CPNE4: variants seen among roughly 807,000 people sequenced by gnomAD.
CPNE4 encodes the protein copine-4.
CPNE4 carries 25 observed loss-of-function variants against 67.9 expected under a neutral mutation model. That is an observed-to-expected ratio of 0.37 (90% confidence interval 0.27 to 0.51). The LOEUF (loss-of-function observed/expected upper bound fraction) is 0.51, where lower values mean the gene tolerates loss of function less well. Ranked by LOEUF, CPNE4 falls within the 20% of genes least tolerant of loss-of-function variation. CPNE4 has a pLI of 0.93. For missense variants in CPNE4, 464 were observed against 690.8 expected (o/e 0.67, Z 3.68); for synonymous variants, 242 against 244.9 (o/e 0.99, Z 0.11).
At chr3:131,871,905 ACCAGC>A (rs2087226030) in intron 2 of CPNE4, among the ~76,000 whole-genome samples, 2 of 152,166 alleles carry the variant, frequency 1.3e-5, no homozygotes, top group African/African-American at 4.8e-5. Context: ...TGAACCCCAT[ACCAGC>A]CCAGGCTAAG....
chr3:132,025,827 T>C (rs1442976017), intron 1 of CPNE4, among the ~76,000 whole-genome samples: 1 of 152,202 alleles, frequency 6.6e-6, no homozygotes, highest in Non-Finnish European at 1.5e-5. Flanking sequence ...TTAAAATTTA[T>C]GCCATTCACC....
chr3:131,841,299 G>C (rs2085772651), intron 2 of CPNE4, among the ~76,000 whole-genome samples: 1 of 152,192 alleles, frequency 6.6e-6, no homozygotes, highest in Non-Finnish European at 1.5e-5. Context: ...AGAGAATTTA[G>C]ATGTGAACAC....
At chr3:131,720,392 CT>C (rs1393990173) in intron 3 of CPNE4, among the ~76,000 whole-genome samples, 2 of 146,760 alleles carry the variant, frequency 1.4e-5, no homozygotes, top group East Asian at 4.1e-4. Context: ...TCAAGTGATT[CT>C]CCTGCCTCAG....
At chr3:131,972,065 C>G (rs989697104) in intron 1 of CPNE4, among the ~76,000 whole-genome samples, 7 of 151,912 alleles carry the variant, frequency 4.6e-5, no homozygotes, top group Non-Finnish European at 8.8e-5. Flanking sequence ...TTCATGGCAA[C>G]TGAGTGTCAG....
intron 10 of CPNE4, among the ~76,000 whole-genome samples, chr3:131,568,186 T>G (rs1466451826): frequency 6.6e-6 from 1 of 152,056 alleles, no homozygotes; most frequent in Non-Finnish European, 1.5e-5. Context: ...AAGAGTCAGC[T>G]AAAATATTTT....
At chr3:131,833,554 G>T (rs913767028) in intron 2 of CPNE4, among the ~76,000 whole-genome samples, 1 of 152,114 alleles carries the variant, frequency 6.6e-6, no homozygotes, top group South Asian at 2.1e-4. Context: ...AATTAGCTTG[G>T]GTGTGGTGGC....
At chr3:131,899,487 GCCA>G (rs1363610554) in intron 2 of CPNE4, among the ~76,000 whole-genome samples, 1 of 151,960 alleles carries the variant, frequency 6.6e-6, no homozygotes, top group Non-Finnish European at 1.5e-5. Context: ...CAACAGAAAG[GCCA>G]CCAGATTCAA....
chr3:131,605,721 T>C (rs1939461023), intron 7 of CPNE4, among the ~76,000 whole-genome samples: 1 of 152,046 alleles, frequency 6.6e-6, no homozygotes, highest in Non-Finnish European at 1.5e-5. Context: ...TATAAAGATA[T>C]TAAGGAAGAA....
intron 2 of CPNE4, among the ~76,000 whole-genome samples, chr3:131,863,431 G>C (rs1339489115): frequency 6.6e-6 from 1 of 152,156 alleles, no homozygotes; most frequent in Non-Finnish European, 1.5e-5. Flanking sequence ...TCTCACTATG[G>C]TTTCGATTTG....
intron 6 of CPNE4, among the ~76,000 whole-genome samples, chr3:131,681,491 G>C (rs752120536): frequency 6.6e-6 from 1 of 152,122 alleles, no homozygotes; most frequent in African/African-American, 2.4e-5. Flanking sequence ...AGAATTCTGC[G>C]TCAGATGTAT....
chr3:132,010,415 G>A (rs990535676), intron 1 of CPNE4, among the ~76,000 whole-genome samples: 2 of 127,156 alleles, frequency 1.6e-5, no homozygotes, highest in Non-Finnish European at 3.3e-5. Context: ...ATTTTAGCTT[G>A]AGTTTGACAG....
At chr3:132,027,535 T>C (rs891326214) in intron 1 of CPNE4, among the ~76,000 whole-genome samples, 1 of 151,948 alleles carries the variant, frequency 6.6e-6, no homozygotes, top group Non-Finnish European at 1.5e-5. Context: ...CAATTCACAA[T>C]CAGTCAAGTC....
intron 2 of CPNE4, among the ~76,000 whole-genome samples, chr3:131,777,686 G>A (rs901632137): frequency 2.0e-5 from 3 of 152,020 alleles, no homozygotes; most frequent in African/African-American, 7.2e-5. Flanking sequence ...TAATCCCATT[G>A]GTATTACACT....
intron 2 of CPNE4, among the ~76,000 whole-genome samples, chr3:131,764,979 A>C (rs540313604): frequency 6.6e-6 from 1 of 152,244 alleles, no homozygotes; most frequent in African/African-American, 2.4e-5. Context: ...CCAGGATACC[A>C]GTGGATTTTA....
chr3:131,974,784 G>T (rs1287778897), intron 1 of CPNE4, among the ~76,000 whole-genome samples: 1 of 152,148 alleles, frequency 6.6e-6, no homozygotes, highest in African/African-American at 2.4e-5. Flanking sequence ...AAGGCAGGTG[G>T]ATTGCTTGAG....
intron 2 of CPNE4, among the ~76,000 whole-genome samples, chr3:131,780,067 G>T (rs772847800): frequency 6.6e-6 from 1 of 151,920 alleles, no homozygotes; most frequent in Non-Finnish European, 1.5e-5. Context: ...CAGCTAACAG[G>T]CATATGAAAA....
At chr3:131,953,706 C>T (rs2071849728) in intron 1 of CPNE4, among the ~76,000 whole-genome samples, 2 of 152,060 alleles carry the variant, frequency 1.3e-5, no homozygotes, top group Admixed American at 6.5e-5. Context: ...AAAAGTTTAC[C>T]ACATGGAGTT....
At chr3:131,975,195 T>C (rs1214729474) in intron 1 of CPNE4, among the ~76,000 whole-genome samples, 1 of 152,190 alleles carries the variant, frequency 6.6e-6, no homozygotes, top group Non-Finnish European at 1.5e-5. Context: ...AACTAGGTTC[T>C]GGGGCTTTTA....
At chr3:131,828,674 T>C (rs971705050) in intron 2 of CPNE4, among the ~76,000 whole-genome samples, 2 of 152,204 alleles carry the variant, frequency 1.3e-5, no homozygotes, top group African/African-American at 2.4e-5. Flanking sequence ...AGTTCACACA[T>C]TGTATTCTTG....
Sources: gnomAD v4.1 joint callset for allele counts (sites outside exome capture counted in the v4.1 genomes callset) on GRCh38, gnomAD v4.1.1 for gene constraint, MANE v1.5 for transcripts, NCBI Gene and HGNC (gene_info 2026-07-23, HGNC 2026-07-21) for gene names.